PTCHD4: variants seen among roughly 807,000 people sequenced by gnomAD.
The protein encoded by PTCHD4 is patched domain-containing protein 4.
PTCHD4 carries 33 observed loss-of-function variants against 58.1 expected under a neutral mutation model. That is an observed-to-expected ratio of 0.57 (90% CI 0.43 to 0.76). The LOEUF is 0.76. Ranked by LOEUF, PTCHD4 falls within the 30% of genes least tolerant of loss-of-function variation. The probability of loss-of-function intolerance (pLI) is 0.00; values close to 1 mark genes in which losing one functional copy is unlikely to be tolerated. For synonymous variants in PTCHD4, 478 were observed against 409.6 expected (o/e 1.17, Z -2.02); for missense variants, 1,058 against 1,027.1 (o/e 1.03, Z -0.41).
intron 4 of PTCHD4, among the ~76,000 whole-genome samples, chr6:48,001,181 C>A (rs929859679): frequency 5.3e-5 from 8 of 152,228 alleles, no homozygotes; most frequent in African/African-American, 1.9e-4. Context: ...GCCATACTGC[C>A]CTAGGTAATT....
In PTCHD4 at chr6:47,996,375, T is replaced by C. The variant is rs1291477384; in HGVS notation, c.898+12259A>G. 2.6e-5 allele frequency among the ~76,000 whole-genome samples: 4 copies of C among 152,252 alleles called. No individual in the cohort carries two copies. In the South Asian group the frequency reaches 8.3e-4, roughly 32 times the overall value. ...CTGTAATCTTAGGTACTTGGGTGGC[T>C]GAGACAGGAGAATCACTTGAACCCG... is the stretch of plus-strand genomic sequence containing the variant. On this transcript the variant is annotated intron_variant, in intron 4 of 4. Coordinates refer to ENST00000339488, the MANE Select transcript of PTCHD4 (RefSeq NM_001384253.1).
At chr6:47,968,879 A>T (rs991174113) in intron 4 of PTCHD4, among the ~76,000 whole-genome samples, 1 of 152,164 alleles carries the variant, frequency 6.6e-6, no homozygotes, top group Non-Finnish European at 1.5e-5. Context: ...CTCATTCCAA[A>T]TAATGGGCTG....
chr6:48,078,613 T>A (rs1765103114), intron 1 of PTCHD4, among the ~76,000 whole-genome samples: 1 of 152,236 alleles, frequency 6.6e-6, no homozygotes, highest in Non-Finnish European at 1.5e-5. Flanking sequence ...TATAAGTTGG[T>A]CAGTTTTAAT....
intron 1 of PTCHD4, among the ~76,000 whole-genome samples, chr6:48,097,820 C>T (rs889138971): frequency 2.6e-5 from 4 of 152,168 alleles, no homozygotes; most frequent in African/African-American, 9.7e-5. Flanking sequence ...AAGTTAAGTT[C>T]AGTCCATCTG....
chr6:48,059,403 G>A (rs1764536291), intron 3 of PTCHD4, among the ~76,000 whole-genome samples: 1 of 152,136 alleles, frequency 6.6e-6, no homozygotes, highest in Non-Finnish European at 1.5e-5. Context: ...CACTTTGGGA[G>A]GCGGAAGTGG....
intron 4 of PTCHD4, among the ~76,000 whole-genome samples, chr6:47,892,546 T>A (rs1230700482): frequency 6.6e-6 from 1 of 152,238 alleles, no homozygotes; most frequent in Non-Finnish European, 1.5e-5. Context: ...GGAGATCTTT[T>A]ATCCTATAAA....
chr6:47,887,827 A>G (rs1016549345), intron 4 of PTCHD4, among the ~76,000 whole-genome samples: 1 of 152,212 alleles, frequency 6.6e-6, no homozygotes, highest in Non-Finnish European at 1.5e-5. Context: ...AAGGTTGCTC[A>G]ATTTATACAA....
chr6:48,012,668 G>T (rs150223448), intron 3 of PTCHD4, among the ~76,000 whole-genome samples: 1,578 of 152,272 alleles, frequency 0.01, 29 homozygotes, highest in African/African-American at 0.036. Flanking sequence ...CAAAGGGAAT[G>T]CTTCCAGCTT....
At chr6:48,061,936 G>A (rs1429779241) in intron 3 of PTCHD4, among the ~76,000 whole-genome samples, 1 of 152,100 alleles carries the variant, frequency 6.6e-6, no homozygotes, top group Non-Finnish European at 1.5e-5. Context: ...CAATCAAAAG[G>A]TGTCTTGGGC....
rs371342542 is a variant in PTCHD4, at chr6:47,871,690, A to T, written c.*6613T>A. Among the ~76,000 whole-genome samples the T allele has an allele frequency of 6.6e-6, 1 of 151,744 alleles. No individual in the cohort carries two copies. ...TAATATTGCTTTGTGGCTTTAATATATTGCCATTTAATCAAAGATTGCATG... is the reference window on the plus strand; with the variant it reads ...TAATATTGCTTTGTGGCTTTAATATTTTGCCATTTAATCAAAGATTGCATG... On this transcript the variant is annotated 3_prime_UTR_variant, in exon 5 of 5. Coordinates refer to ENST00000339488, the MANE Select transcript of PTCHD4 (RefSeq NM_001384253.1).
chr6:47,939,165 C>T (rs976208196), intron 4 of PTCHD4, among the ~76,000 whole-genome samples: 2 of 152,120 alleles, frequency 1.3e-5, no homozygotes, highest in African/African-American at 4.8e-5. Flanking sequence ...AAAGGAGGTC[C>T]AAGAACTAAG....
At chr6:48,010,586 G>T (rs1365403762) in intron 3 of PTCHD4, among the ~76,000 whole-genome samples, 1 of 151,980 alleles carries the variant, frequency 6.6e-6, no homozygotes, top group African/African-American at 2.4e-5. Flanking sequence ...AATTCCAAGT[G>T]AGGAATTTCT....
chr6:48,017,360 C>A (rs1447625343), intron 3 of PTCHD4, among the ~76,000 whole-genome samples: 1 of 151,726 alleles, frequency 6.6e-6, no homozygotes, highest in African/African-American at 2.4e-5. Flanking sequence ...TTAACATGCC[C>A]TAAATAAGTA....
intron 4 of PTCHD4, among the ~76,000 whole-genome samples, chr6:47,987,067 G>A (rs1478670462): frequency 6.6e-6 from 1 of 151,934 alleles, no homozygotes; most frequent in Non-Finnish European, 1.5e-5. Context: ...GTTTGAAAAA[G>A]TTTGCATTTG....
intron 3 of PTCHD4, among the ~76,000 whole-genome samples, chr6:48,060,151 C>T (rs1458583543): frequency 1.3e-5 from 2 of 152,172 alleles, no homozygotes; most frequent in Non-Finnish European, 2.9e-5. Context: ...TTAGCAGACA[C>T]AAAAGTTTCC....
intron 4 of PTCHD4, among the ~76,000 whole-genome samples, chr6:48,007,926 G>T: frequency 1.8e-5 from 1 of 54,596 alleles, no homozygotes; most frequent in African/African-American, 9.2e-5. Context: ...GAAAGAATAT[G>T]TGCGCGCGCG....
chr6:48,108,164 C>T (rs201969700), intron 1 of PTCHD4, among the ~76,000 whole-genome samples: 1 of 152,110 alleles, frequency 6.6e-6, no homozygotes, highest in East Asian at 1.9e-4. Flanking sequence ...ACGTTTATTG[C>T]AGCACTATTC....
At chr6:47,917,229 A>G (rs1765288579) in intron 4 of PTCHD4, among the ~76,000 whole-genome samples, 1 of 152,136 alleles carries the variant, frequency 6.6e-6, no homozygotes. Flanking sequence ...AACGACTACT[A>G]TGTTTTAAAA....
At chr6:48,034,527 A>C (rs1014298375) in intron 3 of PTCHD4, among the ~76,000 whole-genome samples, 12 of 152,126 alleles carry the variant, frequency 7.9e-5, no homozygotes, top group Admixed American at 2.6e-4. Flanking sequence ...CATTTGGTTA[A>C]TATCTTATAG....
Sources: gnomAD v4.1 joint callset for allele counts (sites outside exome capture counted in the v4.1 genomes callset) on GRCh38, gnomAD v4.1.1 for gene constraint, MANE v1.5 for transcripts, NCBI Gene and HGNC (gene_info 2026-07-23, HGNC 2026-07-21) for gene names.